Variants in C16orf74 observed in about 807,000 individuals in gnomAD.
C16orf74 encodes the protein calcimembrin, also known as uncharacterized protein C16orf74.
In C16orf74, 10 loss-of-function variants were observed where a neutral mutation model predicts 6.5. The observed-to-expected ratio is 1.54, with a 90% CI of 0.95 to 2.61. The LOEUF (loss-of-function observed/expected upper bound fraction) is 2.61. C16orf74 is among the 30% of genes most tolerant of loss of function. C16orf74 has a pLI of 0.00. For missense variants in C16orf74, 141 were observed against 105.9 expected (o/e 1.33, Z -1.45); for synonymous variants, 60 against 42.5 (o/e 1.41, Z -1.60).
chr16:85,708,152 C>T, intron 3 of C16orf74, 86 bp from the exon 4 acceptor site: 2 of 1,149,352 alleles, frequency 1.7e-6, no homozygotes, highest in South Asian at 1.4e-5. Flanking sequence ...AGGGCTGGGG[C>T]CTCTGGGATT....
intron 1 of C16orf74, among the ~76,000 whole-genome samples, chr16:85,744,466 A>G (rs1486227516): frequency 6.6e-6 from 1 of 152,056 alleles, no homozygotes; most frequent in Non-Finnish European, 1.5e-5. Flanking sequence ...CCGTTGAAAT[A>G]TCAGATTGTT....
chr16:85,750,895 G>C (rs1188995838), intron 1 of C16orf74, 31 bp downstream of exon 1: 1 of 151,728 alleles, frequency 6.6e-6, no homozygotes, highest in Non-Finnish European at 1.5e-5. Context: ...CCCGGGGAAG[G>C]GGCGGCGGGC....
chr16:85,729,099 C>T (rs957295400), intron 2 of C16orf74, among the ~76,000 whole-genome samples: 2 of 152,144 alleles, frequency 1.3e-5, no homozygotes, highest in African/African-American at 2.4e-5. Flanking sequence ...CTGGAGAGGG[C>T]GCACTTAGGA....
At chr16:85,750,452 G>A (rs1597187020) in intron 1 of C16orf74, among the ~76,000 whole-genome samples, 1 of 152,216 alleles carries the variant, frequency 6.6e-6, no homozygotes, top group East Asian at 1.9e-4. Flanking sequence ...TGATGCCCTG[G>A]GAGCGCAGGG....
At chr16:85,750,654 G>A (rs1477055485) in intron 1 of C16orf74, among the ~76,000 whole-genome samples, 2 of 152,188 alleles carry the variant, frequency 1.3e-5, no homozygotes, top group African/African-American at 2.4e-5. Flanking sequence ...GGGGCCAGAG[G>A]CTTCCGCGCG....
chr16:85,748,938 T>TA (rs2054404522), intron 1 of C16orf74, among the ~76,000 whole-genome samples: 5 of 115,150 alleles, frequency 4.3e-5, no homozygotes, highest in African/African-American at 1.4e-4. Context: ...TTTTTTTTTT[T>TA]TTTTTTTTTA....
intron 2 of C16orf74, among the ~76,000 whole-genome samples, chr16:85,714,100 C>A (rs1039338214): frequency 2.0e-5 from 3 of 152,166 alleles, no homozygotes; most frequent in Non-Finnish European, 4.4e-5. Context: ...TTCTGTTAGT[C>A]TAACTCTTTG....
intron 2 of C16orf74, among the ~76,000 whole-genome samples, chr16:85,720,955 G>T (rs1343467680): frequency 6.6e-6 from 1 of 152,056 alleles, no homozygotes; most frequent in Non-Finnish European, 1.5e-5. Context: ...GCCAGCCGTG[G>T]TGGTGGGCAC....
chr16:85,728,295 CTG>C, intron 2 of C16orf74, among the ~76,000 whole-genome samples: 1 of 152,128 alleles, frequency 6.6e-6, no homozygotes, highest in East Asian at 1.9e-4. Context: ...TGGGAACTCT[CTG>C]TACTATCTTT....
intron 1 of C16orf74, among the ~76,000 whole-genome samples, chr16:85,736,277 T>G (rs1459718219): frequency 6.6e-6 from 1 of 151,834 alleles, no homozygotes; most frequent in East Asian, 1.9e-4. Context: ...CTAGTACCTG[T>G]GAGGAGACCC....
At chr16:85,735,991 C>G (rs950344121) in intron 1 of C16orf74, among the ~76,000 whole-genome samples, 1 of 152,160 alleles carries the variant, frequency 6.6e-6, no homozygotes, top group African/African-American at 2.4e-5. Flanking sequence ...CCAAGGCTAC[C>G]AGCTTACTAG....
intron 2 of C16orf74, among the ~76,000 whole-genome samples, chr16:85,721,418 C>G (rs1315570476): frequency 2.0e-5 from 3 of 152,200 alleles, no homozygotes; most frequent in African/African-American, 7.2e-5. Flanking sequence ...AAAATACTTC[C>G]AGACATTGCC....
chr16:85,739,064 G>T (rs947020430), intron 1 of C16orf74, among the ~76,000 whole-genome samples: 2 of 152,152 alleles, frequency 1.3e-5, no homozygotes, highest in African/African-American at 2.4e-5. Flanking sequence ...AACAGGGGAG[G>T]GCGGAGCAGA....
chr16:85,725,509 C>A (rs1372736445), intron 2 of C16orf74, among the ~76,000 whole-genome samples: 4 of 152,208 alleles, frequency 2.6e-5, no homozygotes, highest in African/African-American at 9.6e-5. Flanking sequence ...GTGGCTGCAT[C>A]CATTTGGAAG....
intron 1 of C16orf74, among the ~76,000 whole-genome samples, chr16:85,746,863 G>C (rs1456664420): frequency 6.6e-6 from 1 of 152,206 alleles, no homozygotes; most frequent in African/African-American, 2.4e-5. Context: ...TTCTGCAGCA[G>C]GATTAGAATT....
intron 1 of C16orf74, among the ~76,000 whole-genome samples, chr16:85,747,334 C>T (rs1399842426): frequency 6.6e-6 from 1 of 152,162 alleles, no homozygotes; most frequent in Admixed American, 6.5e-5. Flanking sequence ...CACCTGTGGT[C>T]CCAACTACTT....
intron 2 of C16orf74, among the ~76,000 whole-genome samples, chr16:85,723,259 CAAA>C (rs5818553): frequency 6.7e-5 from 4 of 60,096 alleles, no homozygotes; most frequent in Admixed American, 2.0e-4. Flanking sequence ...GACTCCATCT[CAAA>C]AAAAAAAAAA....
At chr16:85,732,582 C>T (rs148741742) in intron 2 of C16orf74, among the ~76,000 whole-genome samples, 3,481 of 139,990 alleles carry the variant, frequency 0.025, 139 homozygotes, top group African/African-American at 0.085. Context: ...AGGAGAATTG[C>T]TTGAACCCGG....
intron 1 of C16orf74, among the ~76,000 whole-genome samples, chr16:85,739,382 G>A (rs1375552226): frequency 6.6e-6 from 1 of 152,194 alleles, no homozygotes; most frequent in Non-Finnish European, 1.5e-5. Flanking sequence ...ATTTTGACAT[G>A]TCTCAACCCA....
Sources: gnomAD v4.1 joint callset for allele counts (sites outside exome capture counted in the v4.1 genomes callset) on GRCh38, gnomAD v4.1.1 for gene constraint, MANE v1.5 for transcripts, NCBI Gene and HGNC (gene_info 2026-07-23, HGNC 2026-07-21) for gene names.